ATXN1: variants seen among roughly 807,000 people sequenced by gnomAD.
The protein encoded by ATXN1 is ataxin-1.
ATXN1 carries 8 observed loss-of-function variants against 56.4 expected under a neutral mutation model. The observed-to-expected ratio is 0.14, with a 90% CI of 0.08 to 0.26. The LOEUF (loss-of-function observed/expected upper bound fraction) is 0.26. Ranked by LOEUF, ATXN1 falls within the 10% of genes least tolerant of loss-of-function variation. The pLI, the probability that ATXN1 is intolerant of heterozygous loss-of-function variation, is 1.00. For synonymous variants in ATXN1, 514 were observed against 494.6 expected, an observed-to-expected ratio of 1.04 and a Z score of -0.52; for missense variants, 987 against 1,106.5, an observed-to-expected ratio of 0.89 and a Z score of 1.53.
chr6:16,691,268 G>T (rs1759041288), intron 2 of ATXN1, among the ~76,000 whole-genome samples: 1 of 152,182 alleles, frequency 6.6e-6, no homozygotes, highest in Non-Finnish European at 1.5e-5. Flanking sequence ...TGTCTGTCTT[G>T]TTCACTATCA....
chr6:16,594,298 T>C (rs1762776302), intron 3 of ATXN1, among the ~76,000 whole-genome samples: 1 of 151,698 alleles, frequency 6.6e-6, no homozygotes, highest in Admixed American at 6.6e-5. Context: ...AATGGGTCTA[T>C]GAATATTCAC....
chr6:16,530,392 A>G (rs1561741909), intron 4 of ATXN1, among the ~76,000 whole-genome samples: 1 of 152,238 alleles, frequency 6.6e-6, no homozygotes, highest in Non-Finnish European at 1.5e-5. Flanking sequence ...TCAATACTGT[A>G]TCAATGCCCA....
intron 6 of ATXN1, among the ~76,000 whole-genome samples, chr6:16,464,012 G>C (rs921137583): frequency 6.6e-6 from 1 of 152,110 alleles, no homozygotes; most frequent in Non-Finnish European, 1.5e-5. Flanking sequence ...ACAACTGCAG[G>C]GCCCCTTCTT....
chr6:16,692,640 C>T (rs1227325359), intron 2 of ATXN1, among the ~76,000 whole-genome samples: 1 of 141,876 alleles, frequency 7.0e-6, no homozygotes, highest in Non-Finnish European at 1.6e-5. Context: ...AAGAAGACCA[C>T]TACCGCCACC....
chr6:16,499,815 T>C (rs1760849142), intron 5 of ATXN1, among the ~76,000 whole-genome samples: 2 of 152,198 alleles, frequency 1.3e-5, no homozygotes, highest in Non-Finnish European at 2.9e-5. Context: ...CTGGCTATCA[T>C]CAATTCAGCC....
intron 1 of ATXN1, among the ~76,000 whole-genome samples, chr6:16,756,596 A>G (rs1760893679): frequency 1.3e-5 from 2 of 152,220 alleles, no homozygotes; most frequent in African/African-American, 4.8e-5. Context: ...AATCTCTCAC[A>G]GAAACTAATC....
chr6:16,510,508 G>A (rs552429084), intron 5 of ATXN1, among the ~76,000 whole-genome samples: 3 of 152,270 alleles, frequency 2.0e-5, no homozygotes, highest in Middle Eastern at 3.4e-3. Flanking sequence ...GGCAGAGGTG[G>A]GAGAATCACT....
chr6:16,740,357 A>G (rs557180711), intron 2 of ATXN1, among the ~76,000 whole-genome samples: 1 of 152,198 alleles, frequency 6.6e-6, no homozygotes, highest in African/African-American at 2.4e-5. Flanking sequence ...TAGCAGAATA[A>G]AGCTGATTCA....
chr6:16,471,580 C>A (rs919633658), intron 6 of ATXN1, among the ~76,000 whole-genome samples: 1 of 152,066 alleles, frequency 6.6e-6, no homozygotes, highest in Admixed American at 6.5e-5. Flanking sequence ...CACTAGACAG[C>A]CAGTGAAATG....
intron 6 of ATXN1, among the ~76,000 whole-genome samples, chr6:16,363,931 C>T (rs370076141): frequency 7.2e-5 from 11 of 152,186 alleles, no homozygotes; most frequent in African/African-American, 2.7e-4. Context: ...AATAAAATCC[C>T]AACCTAAAAT....
At chr6:16,620,881 A>C (rs1226935869) in intron 3 of ATXN1, among the ~76,000 whole-genome samples, 2 of 152,226 alleles carry the variant, frequency 1.3e-5, no homozygotes, top group East Asian at 3.8e-4. Flanking sequence ...CTCTATAAGC[A>C]AAGGAGAACT....
intron 6 of ATXN1, among the ~76,000 whole-genome samples, chr6:16,364,283 A>T (rs1282983913): frequency 1.3e-5 from 2 of 152,150 alleles, no homozygotes; most frequent in Non-Finnish European, 2.9e-5. Flanking sequence ...GCACCATTTT[A>T]AAAATGGCTT....
rs541298920 is a variant in ATXN1 at position 16,689,472 on chromosome 6, C to T, written c.-614-31571G>A. Among the ~76,000 whole-genome samples the T allele has an allele frequency of 2.6e-5, 4 of 151,276 alleles. No homozygotes were observed. The South Asian group carries it at 8.4e-4, about 32-fold the overall frequency. On this transcript the variant is annotated intron_variant, in intron 2 of 7. Coordinates refer to ENST00000436367, the MANE Select transcript of ATXN1 (RefSeq NM_001128164.2). ...AGACTACAGGCAAGAGCCACCACAC[C>T]CAGTCAATTTTTTCTTTTTTTTCCT... is the stretch of plus-strand genomic sequence containing the variant.
intron 2 of ATXN1, chr6:16,737,016 C>G (rs1473308606): frequency 1.3e-5 from 2 of 152,130 alleles, no homozygotes; most frequent in Non-Finnish European, 2.9e-5. Flanking sequence ...GTTTCCTTGC[C>G]AGTAACTTTT....
intron 2 of ATXN1, among the ~76,000 whole-genome samples, chr6:16,668,533 T>A (rs972650234): frequency 6.6e-6 from 1 of 152,132 alleles, no homozygotes. Flanking sequence ...TCTATAGAGT[T>A]CAGCCAAGGG....
At position 16,742,413 on chromosome 6, in the gene ATXN1, T is replaced by G. The variant is rs371298150; in HGVS notation, c.-615+10820A>C. Among the ~76,000 whole-genome samples the G allele has an allele frequency of 1.5e-4, 23 of 152,136 alleles. No homozygotes were observed. The East Asian group carries it at 2.3e-3, about 15-fold the overall frequency. ...AGGGGAAGAATAATCAAAACAAAAT[T>G]CATCCAGAGTCATTTCTGCCTCCCC... is the stretch of plus-strand genomic sequence containing the variant. On this transcript the variant is annotated intron_variant, in intron 2 of 7. Transcript: ENST00000436367.
chr6:16,534,004 G>GT (rs1761551290), intron 4 of ATXN1, among the ~76,000 whole-genome samples: 1 of 151,974 alleles, frequency 6.6e-6, no homozygotes, highest in Admixed American at 6.6e-5. Context: ...AAATGATATC[G>GT]TTTTTTCCTA....
At chr6:16,526,124 A>AT (rs1163391735) in intron 4 of ATXN1, among the ~76,000 whole-genome samples, 1 of 146,456 alleles carries the variant, frequency 6.8e-6, no homozygotes, top group Admixed American at 6.9e-5. Context: ...TTGCTGTCTC[A>AT]TTTTTTTTAC....
At chr6:16,390,707 C>CACACAT (rs1554142733) in intron 6 of ATXN1, among the ~76,000 whole-genome samples, 1 of 151,584 alleles carries the variant, frequency 6.6e-6, no homozygotes, top group African/African-American at 2.4e-5. Context: ...CACACACACA[C>CACACAT]GCATGCACAC....
Sources: allele counts gnomAD v4.1 joint callset (sites outside exome capture counted in the v4.1 genomes callset), GRCh38; gene constraint gnomAD v4.1.1; transcripts MANE v1.5; gene names NCBI Gene and HGNC (gene_info 2026-07-23, HGNC 2026-07-21).